Variants in MMGT1 observed in about 807,000 individuals in gnomAD.
MMGT1 encodes ER membrane protein complex subunit 5.
A neutral mutation model predicts 11.7 loss-of-function variants in MMGT1; 2 were observed. The ratio of observed to expected loss-of-function variants is 0.17; its 90% confidence interval spans 0.07 to 0.54. The LOEUF is 0.54. Among genes scored for constraint, MMGT1 ranks in the 20% least tolerant of loss-of-function variants. The probability of loss-of-function intolerance (pLI) is 0.94; values close to 1 mark genes in which losing one functional copy is unlikely to be tolerated. For synonymous variants in MMGT1, 49 were observed against 44.4 expected (o/e 1.10, Z -0.41); for missense variants, 74 against 109.0 (o/e 0.68, Z 1.43).
chrX:135,973,584 C>CCCA lies in MMGT1; in HGVS notation c.79+10_79+12dup. On this transcript the variant is annotated intron_variant, in intron 1 of 3. Transcript: ENST00000305963. ...TTCCACACCGAAGCGGTCCCCGTGCCCCAGGCACTTACGCTGCGCAGCGGA... is the reference window on the plus strand; with the variant it reads ...TTCCACACCGAAGCGGTCCCCGTGCCCCACCAGGCACTTACGCTGCGCAGCGGA... The CCCA allele has an allele frequency of 8.6e-7, 1 of 1,160,267 alleles. No homozygotes were observed. Among genetic ancestry groups the CCCA allele is most frequent in the African/African-American group, 1.8e-5 (1 of 56,306 alleles).
chrX:135,973,724 C>T lies in MMGT1; in HGVS notation c.-49G>A, dbSNP rs376165892. 12 of 1,164,946 alleles carry T rather than the reference C, an allele frequency of 1.0e-5. No homozygotes were observed. In the African/African-American group the frequency reaches 2.0e-4, roughly 19 times the overall value. On this transcript the variant is annotated 5_prime_UTR_variant, in exon 1 of 4. Transcript: ENST00000305963. The stretch of plus-strand genomic sequence containing the variant: ...GCAAAAGAAGCGAAGGACGGCGGAG[C>T]TGTTTCTTCTTCCACCGGCGGGTGT...
At chrX:135,973,160 C>T (rs1291858751) in intron 1 of MMGT1, among the ~76,000 whole-genome samples, 1 of 111,896 alleles carries the variant, frequency 8.9e-6, no homozygotes, top group African/African-American at 3.3e-5. Context: ...TTCTCCTGTA[C>T]CACAGTGCCT....
intron 2 of MMGT1, among the ~76,000 whole-genome samples, chrX:135,968,088 G>A (rs1253981526): frequency 8.9e-6 from 1 of 111,878 alleles, no homozygotes; most frequent in Non-Finnish European, 1.9e-5. Flanking sequence ...CTGACCTCAG[G>A]TGATCCGCCC....
rs782200629 is a variant in MMGT1, at chrX:135,962,490, ACTGT to A, written c.*2530_*2533del. ...TTTGAACTACCCTAGGCAATAATTG[ACTGT>A]CTCACAGTACTGTAGATAAAATTCT... On this transcript the variant is annotated 3_prime_UTR_variant, in exon 4 of 4. Transcript: ENST00000305963. 5.3e-5 allele frequency: 6 copies of A among 112,265 alleles called. No individual in the cohort carries two copies. Among genetic ancestry groups the A allele is most frequent in the African/African-American group, 1.9e-4 (6 of 30,902 alleles). The allele number at this position is 112,265 out of a possible 1,213,427, so 9.3% of individuals were successfully genotyped here.
chrX:135,965,410 A>T (rs1264221083), intron 3 of MMGT1, among the ~76,000 whole-genome samples: 3 of 111,121 alleles, frequency 2.7e-5, no homozygotes, highest in Admixed American at 9.6e-5. Context: ...TCTTCTTTTT[A>T]AAAAAAATAG....
intron 1 of MMGT1, 45 bp from the exon 2 acceptor site, chrX:135,971,155 T>A: frequency 1.0e-6 from 1 of 967,263 alleles, no homozygotes; most frequent in Non-Finnish European, 1.5e-6. Flanking sequence ...AGTTCATTTT[T>A]CTTTCTTAAA....
In MMGT1 at chrX:135,964,448, T is replaced by C. The variant is rs1034469668; in HGVS notation, c.*576A>G. On this transcript the variant is annotated 3_prime_UTR_variant, in exon 4 of 4. Coordinates refer to ENST00000305963, the MANE Select transcript of MMGT1 (RefSeq NM_173470.3). ...AGAAATGATGAAACAAGACAGCTGA[T>C]GGTAGAAGGTATATGGGAGCAGGGT... is the stretch of plus-strand genomic sequence containing the variant. The C allele has an allele frequency of 8.9e-6, 1 of 112,669 alleles. No individual in the cohort carries two copies. Among genetic ancestry groups the C allele is most frequent in the Non-Finnish European group, 1.9e-5 (1 of 53,270 alleles). 9.3% of individuals were successfully genotyped at this position (112,669 alleles called of 1,213,427 possible).
At chrX:135,966,425 C>T (rs2089186146) in intron 3 of MMGT1, among the ~76,000 whole-genome samples, 1 of 111,589 alleles carries the variant, frequency 9.0e-6, no homozygotes. Context: ...GAAACCCCGT[C>T]TCTACTAAAA....
intron 2 of MMGT1, among the ~76,000 whole-genome samples, chrX:135,968,499 T>TATTGTGTGTGTG (rs36089092): frequency 2.4e-5 from 2 of 85,033 alleles, no homozygotes; most frequent in South Asian, 1.3e-3. Flanking sequence ...CATTATGTCA[T>TATTGTGTGTGTG]TGTGTGTGTG....
chrX:135,973,686 GAGCAGC>G lies in MMGT1; in HGVS notation c.-17_-12del, dbSNP rs1182565592. ...CAGCGACGGCGCCATGATGCCGAAG[GAGCAGC>G]AGCCCAGCAAAAGAAGCGAAGGACG... On this transcript the variant is annotated 5_prime_UTR_variant, in exon 1 of 4. Transcript: ENST00000305963. The G allele has an allele frequency of 4.3e-6, 5 of 1,165,650 alleles. No homozygotes were observed. The highest frequency in any genetic ancestry group is 5.7e-6 in the Non-Finnish European group (5 of 872,760).
Position 135,964,267 on chromosome X carries a change from T to C in MMGT1, c.*757A>G, listed in dbSNP as rs1556611721. On this transcript the variant is annotated 3_prime_UTR_variant, in exon 4 of 4. Transcript: ENST00000305963. ...AATCACAAAAGGTCTTCAACTAGTCTTCAACTATTCTTACACTATATAATC... is the reference window on the plus strand; with the variant it reads ...AATCACAAAAGGTCTTCAACTAGTCCTCAACTATTCTTACACTATATAATC... 1 of 113,320 alleles carries C rather than the reference T, an allele frequency of 8.8e-6. No individual in the cohort carries two copies. The highest frequency in any genetic ancestry group is 9.4e-5 in the Admixed American group (1 of 10,650). The allele number at this position is 113,320 out of a possible 1,213,427, so 9.3% of individuals were successfully genotyped here. A position where few individuals can be genotyped will look rare whatever the true frequency, so the allele number is the denominator to read the frequency against.
rs2089159957 is a variant in MMGT1, at chrX:135,962,270, A to T, written c.*2754T>A. The stretch of plus-strand genomic sequence containing the variant: ...CCACTGAGAAGCCACAATGCTTAGA[A>T]AACAATCATTAGGGAGTTACAGAGA... On this transcript the variant is annotated 3_prime_UTR_variant, in exon 4 of 4. Coordinates refer to ENST00000305963, the MANE Select transcript of MMGT1 (RefSeq NM_173470.3). 8.9e-6 allele frequency: 1 copy of T among 111,844 alleles called. No homozygotes were observed. The highest frequency in any genetic ancestry group is 1.9e-5 in the Non-Finnish European group (1 of 53,167). The allele number at this position is 111,844 out of a possible 1,213,427, so 9.2% of individuals were successfully genotyped here.
rs1234330917 is a variant in MMGT1, at chrX:135,962,548, C to T, written c.*2476G>A. On this transcript the variant is annotated 3_prime_UTR_variant, in exon 4 of 4. Transcript: ENST00000305963. ...CTTAGCATATTTAGCAGTGTTACAA[C>T]GCATCCAAATCACCTTTAAGTCCTA... 8.9e-6 allele frequency: 1 copy of T among 111,974 alleles called. No homozygotes were observed. Among genetic ancestry groups the T allele is most frequent in the African/African-American group, 3.2e-5 (1 of 30,790 alleles). The allele number at this position is 111,974 out of a possible 1,213,427, so 9.2% of individuals were successfully genotyped here.
intron 2 of MMGT1, among the ~76,000 whole-genome samples, chrX:135,969,465 G>A (rs781961344): frequency 5.4e-5 from 6 of 110,522 alleles, no homozygotes; most frequent in Admixed American, 9.6e-5. Flanking sequence ...TTGGCCTCCC[G>A]AGTATCTGGG....
chrX:135,968,743 C>T (rs954867181), intron 2 of MMGT1, among the ~76,000 whole-genome samples: 2 of 111,011 alleles, frequency 1.8e-5, no homozygotes, highest in East Asian at 5.6e-4. Context: ...GTTGGCCAGG[C>T]TGGTTTCAAA....
chrX:135,969,492 C>T (rs2089205951), intron 2 of MMGT1, among the ~76,000 whole-genome samples: 1 of 110,944 alleles, frequency 9.0e-6, no homozygotes, highest in Admixed American at 9.6e-5. Context: ...GCGCCCACCA[C>T]CATGCCCGGC....
chrX:135,973,289 A>T (rs1410783500), intron 1 of MMGT1, among the ~76,000 whole-genome samples: 1 of 111,175 alleles, frequency 9.0e-6, no homozygotes, highest in African/African-American at 3.3e-5. Flanking sequence ...CAATCTCACA[A>T]CTGTGCCTGA....
chrX:135,964,833 A>T lies in MMGT1; in HGVS notation c.*191T>A, dbSNP rs1433420933. On this transcript the variant is annotated 3_prime_UTR_variant, in exon 4 of 4. Transcript: ENST00000305963. ...TTCCTATATGAAATACCAAAGACTC[A>T]TTTCACATATAACTTACACTGCATT... 5.9e-6 allele frequency: 2 copies of T among 336,521 alleles called. No individual in the cohort carries two copies. Among genetic ancestry groups the T allele is most frequent in the Non-Finnish European group, 1.1e-5 (2 of 188,966 alleles). 27.7% of individuals were successfully genotyped at this position (336,521 alleles called of 1,213,427 possible). A position where few individuals can be genotyped will look rare whatever the true frequency, so the allele number is the denominator to read the frequency against.
At chrX:135,969,660 C>T (rs782802375) in intron 2 of MMGT1, among the ~76,000 whole-genome samples, 1 of 112,009 alleles carries the variant, frequency 8.9e-6, no homozygotes, top group African/African-American at 3.2e-5. Flanking sequence ...TTATATAACA[C>T]AGTCACAGGC....
Sources: gnomAD v4.1 joint callset for allele counts (sites outside exome capture counted in the v4.1 genomes callset) on GRCh38, gnomAD v4.1.1 for gene constraint, MANE v1.5 for transcripts, NCBI Gene and HGNC (gene_info 2026-07-23, HGNC 2026-07-21) for gene names.